Variants in ISY1 observed in about 807,000 individuals in gnomAD.
The protein encoded by ISY1 is ISY1 spliceosome associated protein.
Under a neutral mutation model 54.4 loss-of-function variants are expected in ISY1, and 12 were observed. The observed-to-expected ratio is 0.22, with a 90% CI of 0.14 to 0.36. The LOEUF is 0.36. Among genes scored for constraint, ISY1 ranks in the 10% least tolerant of loss-of-function variants. The pLI is 1.00. For missense variants in ISY1, 282 were observed against 342.2 expected (o/e 0.82, Z 1.39); for synonymous variants, 96 against 117.9 (o/e 0.81, Z 1.20).
chr3:129,154,013 C>T (rs1451326439), intron 5 of ISY1, among the ~76,000 whole-genome samples: 13 of 151,128 alleles, frequency 8.6e-5, no homozygotes, highest in African/African-American at 2.2e-4. Flanking sequence ...GAGGCCGAGG[C>T]GGGCGGATCA....
At chr3:129,157,570 A>C (rs538959589) in intron 3 of ISY1, among the ~76,000 whole-genome samples, 10 of 152,050 alleles carry the variant, frequency 6.6e-5, no homozygotes, top group Admixed American at 3.3e-4. Context: ...AATACAAAAA[A>C]ATTAGCTGGG....
chr3:129,147,925 T>C lies in ISY1; in HGVS notation c.188-2052A>G, dbSNP rs551499997. Among the ~76,000 whole-genome samples, 10 of 152,234 alleles carry C rather than the reference T, an allele frequency of 6.6e-5. No individual in the cohort carries two copies. In the South Asian group the frequency reaches 2.1e-3, roughly 32 times the overall value. On this transcript the variant is annotated intron_variant, in intron 5 of 10. Transcript: ENST00000393295. ...TCTTTCACTCAGCATTAGGCTGAGT[T>C]GAAATGTTTTATTTATTTTTTTTAT... is the stretch of plus-strand genomic sequence containing the variant.
chr3:129,130,488 C>T (rs1003968664), intron 10 of ISY1, 62 bp downstream of exon 10: 4 of 1,592,570 alleles, frequency 2.5e-6, no homozygotes, highest in African/African-American at 2.7e-5. Flanking sequence ...CACTACAGTG[C>T]TCTGTGAAGT....
intron 5 of ISY1, among the ~76,000 whole-genome samples, chr3:129,151,710 AT>A (rs1221147854): frequency 1.3e-5 from 2 of 152,120 alleles, no homozygotes; most frequent in East Asian, 3.8e-4. Context: ...TATGCCTTTT[AT>A]TTCCTTTTTT....
intron 6 of ISY1, among the ~76,000 whole-genome samples, chr3:129,145,488 G>A (rs921886991): frequency 7.2e-5 from 11 of 152,172 alleles, no homozygotes; most frequent in African/African-American, 2.2e-4. Context: ...CTCCCAAAGT[G>A]CTGGGATTAT....
intron 6 of ISY1, among the ~76,000 whole-genome samples, chr3:129,143,460 C>T (rs1042803545): frequency 2.7e-5 from 4 of 150,246 alleles, no homozygotes; most frequent in African/African-American, 9.8e-5. Flanking sequence ...GAGCCAAGAT[C>T]GCACCACTGC....
chr3:129,147,601 G>C (rs888268016), intron 5 of ISY1, among the ~76,000 whole-genome samples: 1 of 151,938 alleles, frequency 6.6e-6, no homozygotes, highest in Non-Finnish European at 1.5e-5. Flanking sequence ...GAGAAAACAA[G>C]AATCACAAGT....
chr3:129,144,536 A>G (rs1230842744), intron 6 of ISY1, among the ~76,000 whole-genome samples: 3 of 152,248 alleles, frequency 2.0e-5, no homozygotes, highest in Non-Finnish European at 4.4e-5. Context: ...GTCTCATCAC[A>G]AAAGTGTGAA....
Position 129,130,564 on chromosome 3 carries a change from G to T in ISY1, c.736C>A (p.Pro246Thr). Residue 246 changes from proline (P) to threonine (T), a missense_variant, in exon 10 of 11, where the codon CCC (proline) becomes ACC (threonine). Transcript: ENST00000393295. ...TGTGGTCCTACCTCTTGCTGCGAGG[G>T]AACAGGGACGTGAGCAATGAACTTC... Reference protein sequence around the residue: ...QQKFIAHVPVPSQQEIEEALV... With the variant: ...QQKFIAHVPVTSQQEIEEALV... 7 of 1,614,074 alleles carry T rather than the reference G, an allele frequency of 4.3e-6. No homozygotes were observed. The highest frequency in any genetic ancestry group is 1.1e-5 in the South Asian group (1 of 91,058).
In ISY1 at chr3:129,145,746, C is replaced by CT. The variant is rs2107611029; in HGVS notation, c.300+14dup. On this transcript the variant is annotated intron_variant, in intron 6 of 10. Transcript: ENST00000393295. ...AACTAGACAAGACCCGCCACTGGGG[C>CT]TGCCATGTACTCACTCCATAATCAG... The CT allele has an allele frequency of 6.2e-7, 1 of 1,610,350 alleles. No homozygotes were observed. The highest frequency in any genetic ancestry group is 1.1e-5 in the South Asian group (1 of 90,578).
chr3:129,151,042 A>T (rs1361270710), intron 5 of ISY1, among the ~76,000 whole-genome samples: 1 of 151,208 alleles, frequency 6.6e-6, no homozygotes, highest in Non-Finnish European at 1.5e-5. Context: ...GAATAGCTTG[A>T]ACCTGGGAGG....
At chr3:129,141,081 G>T (rs1330224334) in intron 6 of ISY1, among the ~76,000 whole-genome samples, 1 of 149,954 alleles carries the variant, frequency 6.7e-6, no homozygotes, top group African/African-American at 2.5e-5. Flanking sequence ...AGACATGCCT[G>T]TAATCCCAGC....
In ISY1 at chr3:129,129,658, G is replaced by A. The variant is rs1936184029; in HGVS notation, c.*423C>T. ...CAAAGTGCTGGGGTTACAGGCGTGA[G>A]CCACTGCGCCTGGCCACATCATCTC... On this transcript the variant is annotated 3_prime_UTR_variant, in exon 11 of 11. Transcript: ENST00000393295. The A allele has an allele frequency of 6.5e-6, 1 of 152,896 alleles. No individual in the cohort carries two copies. The highest frequency in any genetic ancestry group is 6.5e-5 in the Admixed American group (1 of 15,316). The allele number at this position is 152,896 out of a possible 1,614,324, so 9.5% of individuals were successfully genotyped here.
intron 6 of ISY1, among the ~76,000 whole-genome samples, chr3:129,143,866 C>T (rs1347732792): frequency 6.6e-6 from 1 of 152,014 alleles, no homozygotes; most frequent in Non-Finnish European, 1.5e-5. Context: ...AGTGGCTGCA[C>T]TTATGTAATG....
intron 3 of ISY1, among the ~76,000 whole-genome samples, chr3:129,157,181 C>A (rs560202672): frequency 3.9e-5 from 6 of 152,098 alleles, no homozygotes; most frequent in African/African-American, 7.2e-5. Context: ...ATAGCTATTT[C>A]ATGGCATATT....
chr3:129,153,998 T>C (rs1383715973), intron 5 of ISY1, among the ~76,000 whole-genome samples: 1 of 151,582 alleles, frequency 6.6e-6, no homozygotes, highest in Non-Finnish European at 1.5e-5. Context: ...ATCCCAGCAC[T>C]TTGGGAGGCC....
intron 5 of ISY1, among the ~76,000 whole-genome samples, chr3:129,149,640 C>A (rs371334346): frequency 6.4e-4 from 45 of 70,824 alleles, no homozygotes; most frequent in Middle Eastern, 0.01. Flanking sequence ...TATATATACA[C>A]AAAAAAAATC....
At chr3:129,159,797 C>T (rs1937250250) in intron 1 of ISY1, among the ~76,000 whole-genome samples, 1 of 152,152 alleles carries the variant, frequency 6.6e-6, no homozygotes, top group South Asian at 2.1e-4. Context: ...TCAGTTTCCC[C>T]ATCTTTACAA....
chr3:129,135,548 G>A (rs1318882233), intron 7 of ISY1, among the ~76,000 whole-genome samples: 1 of 151,746 alleles, frequency 6.6e-6, no homozygotes, highest in East Asian at 1.9e-4. Flanking sequence ...GGAGAATCAC[G>A]AGGTCAGCAG....
Sources: allele counts gnomAD v4.1 joint callset (sites outside exome capture counted in the v4.1 genomes callset), GRCh38; gene constraint gnomAD v4.1.1; transcripts MANE v1.5; gene names NCBI Gene and HGNC (gene_info 2026-07-23, HGNC 2026-07-21).